ADAMTS5: variants seen among roughly 807,000 people sequenced by gnomAD.
ADAMTS5 encodes ADAM metallopeptidase with thrombospondin type 1 motif 5, also known as A disintegrin and metalloproteinase with thrombospondin motifs 5.
A neutral mutation model predicts 81.4 loss-of-function variants in ADAMTS5; 54 were observed. The ratio of observed to expected loss-of-function variants is 0.66; its 90% CI spans 0.53 to 0.83. The LOEUF is 0.83. Ranked by LOEUF, ADAMTS5 falls within the 40% of genes least tolerant of loss-of-function variation. The pLI is 0.00. For synonymous variants in ADAMTS5, 532 were observed against 508.8 expected, an observed-to-expected ratio of 1.05 and a Z score of -0.61; for missense variants, 1,194 against 1,229.9, an observed-to-expected ratio of 0.97 and a Z score of 0.44.
At position 26,920,275 on chromosome 21, in the gene ADAMTS5, G is replaced by C. The variant is rs538107512; in HGVS notation, c.*3778C>G. 3.3e-5 allele frequency: 5 copies of C among 152,182 alleles called. No homozygotes were observed. In the South Asian group the frequency reaches 1.0e-3, roughly 32 times the overall value. 9.4% of individuals were successfully genotyped at this position (152,182 alleles called of 1,614,324 possible). A position where few individuals can be genotyped will look rare whatever the true frequency, so the allele number is the denominator to read the frequency against. The stretch of plus-strand genomic sequence containing the variant: ...TGTGTGTCCAAGGGTGCTTTGTCTT[G>C]TTGCCAGGATCAGACTGTGAAATCA... On this transcript the variant is annotated 3_prime_UTR_variant, in exon 8 of 8. Transcript: ENST00000284987.
intron 2 of ADAMTS5, among the ~76,000 whole-genome samples, chr21:26,944,086 C>A (rs1340379115): frequency 2.6e-5 from 4 of 152,086 alleles, no homozygotes; most frequent in Non-Finnish European, 5.9e-5. Context: ...AAAGGGAGGA[C>A]TAGGGGAGAC....
At chr21:26,951,193 C>G (rs932630768) in intron 2 of ADAMTS5, among the ~76,000 whole-genome samples, 2 of 152,120 alleles carry the variant, frequency 1.3e-5, no homozygotes, top group African/African-American at 2.4e-5. Context: ...CCACGAGAAC[C>G]TGTAAGTAGG....
chr21:26,944,497 A>G (rs229054), intron 2 of ADAMTS5, among the ~76,000 whole-genome samples: 107,389 of 152,062 alleles, frequency 0.71, 38,331 homozygotes, highest in East Asian at 0.81. Flanking sequence ...TGCAGTCTAA[A>G]GATAAAATGA....
At chr21:26,943,852 C>G (rs183116303) in intron 2 of ADAMTS5, among the ~76,000 whole-genome samples, 1 of 152,080 alleles carries the variant, frequency 6.6e-6, no homozygotes, top group Non-Finnish European at 1.5e-5. Context: ...CTAGAGTTTG[C>G]GAGACAATTG....
At chr21:26,961,231 A>G (rs952424594) in intron 1 of ADAMTS5, among the ~76,000 whole-genome samples, 4 of 152,234 alleles carry the variant, frequency 2.6e-5, no homozygotes, top group African/African-American at 9.6e-5. Context: ...ATAATTACAC[A>G]ATGGTTACAG....
chr21:26,955,165 T>A (rs1197988930), intron 1 of ADAMTS5, among the ~76,000 whole-genome samples: 1 of 152,186 alleles, frequency 6.6e-6, no homozygotes, highest in African/African-American at 2.4e-5. Flanking sequence ...TGCAGATACG[T>A]CTCTGATCAC....
chr21:26,965,919 A>G lies in ADAMTS5; in HGVS notation c.473T>C (p.Val158Ala), dbSNP rs528365330. ...LCGGLDGFFA[V>A]KHARYTLKPL... ...CTTTAGGGTGTAGCGCGCGTGCTTGACCGCGAAGAAGCCGTCGAGACCCCC... is the reference window on the plus strand; with the variant it reads ...CTTTAGGGTGTAGCGCGCGTGCTTGGCCGCGAAGAAGCCGTCGAGACCCCC... The change falls in exon 1 of 8, where the codon GTC becomes GCC. Residue 158 changes from valine (V) to alanine (A), a missense_variant. Val to Ala is a moderately conservative substitution (Grantham distance 64, BLOSUM62 0). Coordinates refer to ENST00000284987, the MANE Select transcript of ADAMTS5 (RefSeq NM_007038.5). 9 of 1,613,654 alleles carry G rather than the reference A, an allele frequency of 5.6e-6. No individual in the cohort carries two copies. The highest frequency in any genetic ancestry group is 4.4e-5 in the South Asian group (4 of 91,074).
chr21:26,966,488 A>G lies in ADAMTS5; in HGVS notation c.-97T>C. On this transcript the variant is annotated 5_prime_UTR_variant, in exon 1 of 8. Coordinates refer to ENST00000284987, the MANE Select transcript of ADAMTS5 (RefSeq NM_007038.5). ...CGGGGCGGGGGATGGGGACACACAC[A>G]CACTTGCTTGCAGGATTGAGTCAAG... 1 of 1,164,318 alleles carries G rather than the reference A, an allele frequency of 8.6e-7. No individual in the cohort carries two copies. The highest frequency in any genetic ancestry group is 1.1e-6 in the Non-Finnish European group (1 of 895,726). The allele number at this position is 1,164,318 out of a possible 1,614,324, so 72.1% of individuals were successfully genotyped here.
At chr21:26,951,314 G>T (rs1203329572) in intron 2 of ADAMTS5, among the ~76,000 whole-genome samples, 1 of 152,034 alleles carries the variant, frequency 6.6e-6, no homozygotes, top group Admixed American at 6.6e-5. Context: ...TGTGTTTTGA[G>T]CACAGTAACA....
chr21:26,946,252 G>T (rs1407984602), intron 2 of ADAMTS5, among the ~76,000 whole-genome samples: 1 of 152,180 alleles, frequency 6.6e-6, no homozygotes, highest in African/African-American at 2.4e-5. Flanking sequence ...AACAGCAAAA[G>T]GAGTGGTATT....
chr21:26,932,945 G>C lies in ADAMTS5; in HGVS notation c.1789C>G (p.Pro597Ala). 6.2e-7 allele frequency: 1 copy of C among 1,613,978 alleles called. No homozygotes were observed. Among genetic ancestry groups the C allele is most frequent in the Admixed American group, 1.7e-5 (1 of 59,988 alleles). ...TAGCGTCCGTTGTTTCTGGGAGCAG[G>C]GTTATTACAGTGACGATAGGCAAAC... ...VQFAYRHCNN[P>A]APRNNGRYCT... Residue 597 changes from proline to alanine, a missense_variant, in exon 5 of 8, where the codon CCT (proline) becomes GCT (alanine). Coordinates refer to ENST00000284987, the MANE Select transcript of ADAMTS5 (RefSeq NM_007038.5).
At position 26,932,927 on chromosome 21, in the gene ADAMTS5, C is replaced by T. The variant is rs865877973; in HGVS notation, c.1807G>A (p.Gly603Arg). 1.2e-5 allele frequency: 19 copies of T among 1,614,042 alleles called. No individual in the cohort carries two copies. The highest frequency in any genetic ancestry group is 1.3e-5 in the African/African-American group (1 of 75,006). ...GCCCTCTTCCCTGTGCAGTAGCGTC[C>T]GTTGTTTCTGGGAGCAGGGTTATTA... ...HCNNPAPRNN[G>R]RYCTGKRAIY... Residue 603 changes from glycine to arginine, a missense_variant, in exon 5 of 8, where the codon GGA becomes AGA. Gly to Arg is a moderately radical substitution (Grantham distance 125). Coordinates refer to ENST00000284987, the MANE Select transcript of ADAMTS5 (RefSeq NM_007038.5).
chr21:26,949,509 T>C (rs1987279833), intron 2 of ADAMTS5, among the ~76,000 whole-genome samples: 1 of 152,120 alleles, frequency 6.6e-6, no homozygotes, highest in Non-Finnish European at 1.5e-5. Context: ...ACACTCTTTA[T>C]GTGGGAGGGA....
In ADAMTS5 at chr21:26,965,681, C is replaced by T. The variant is rs1215171494; in HGVS notation, c.711G>A (p.Gln237=). The change falls in exon 1 of 8, where the codon CAG becomes CAA. Residue 237 remains glutamine, a synonymous_variant. Transcript: ENST00000284987. Reference sequence around the variant, plus strand: ...GCGAGAGAGCGGACTGGTCCAAGAGCTGCGAGGCCAGTGCTGCGCGTCCGC... The same window carrying T: ...GCGAGAGAGCGGACTGGTCCAAGAGTTGCGAGGCCAGTGCTGCGCGTCCGC... ...NPSGRAALAS[Q]LLDQSALSPA... 1.3e-6 allele frequency: 2 copies of T among 1,585,760 alleles called. No individual in the cohort carries two copies. The highest frequency in any genetic ancestry group is 3.5e-5 in the Admixed American group (2 of 56,772).
At chr21:26,942,365 C>T (rs1413647678) in intron 3 of ADAMTS5, among the ~76,000 whole-genome samples, 1 of 152,096 alleles carries the variant, frequency 6.6e-6, no homozygotes, top group East Asian at 1.9e-4. Flanking sequence ...GATTATTCAA[C>T]TTTGAACCGT....
chr21:26,936,053 A>T (rs1294462849), intron 3 of ADAMTS5, among the ~76,000 whole-genome samples: 1 of 152,180 alleles, frequency 6.6e-6, no homozygotes, highest in Non-Finnish European at 1.5e-5. Flanking sequence ...CCAAGGTCAC[A>T]CAGCTGTTAT....
chr21:26,926,720 T>C (rs1446766599), intron 7 of ADAMTS5, among the ~76,000 whole-genome samples: 2 of 151,580 alleles, frequency 1.3e-5, no homozygotes, highest in Non-Finnish European at 1.5e-5. Flanking sequence ...GCGCTCTTTT[T>C]CACTATATCC....
chr21:26,957,040 A>G (rs1306466027), intron 1 of ADAMTS5, among the ~76,000 whole-genome samples: 2 of 152,220 alleles, frequency 1.3e-5, no homozygotes, highest in African/African-American at 4.8e-5. Flanking sequence ...AATTATGTAA[A>G]CTGGCAACCT....
intron 3 of ADAMTS5, among the ~76,000 whole-genome samples, chr21:26,941,839 C>T (rs1311948068): frequency 1.3e-5 from 2 of 152,046 alleles, no homozygotes; most frequent in Non-Finnish European, 2.9e-5. Flanking sequence ...GAGATACTGA[C>T]CTGATCAATG....
Sources: allele counts gnomAD v4.1 joint callset (sites outside exome capture counted in the v4.1 genomes callset), GRCh38; gene constraint gnomAD v4.1.1; transcripts MANE v1.5; gene names NCBI Gene and HGNC (gene_info 2026-07-23, HGNC 2026-07-21).